Variants in ZFAT observed in about 807,000 individuals in gnomAD.
ZFAT encodes the protein zinc finger protein ZFAT.
Under a neutral mutation model 117.7 loss-of-function variants are expected in ZFAT, and 64 were observed. The ratio of observed to expected loss-of-function variants is 0.54; its 90% CI spans 0.44 to 0.67. The LOEUF is 0.67. ZFAT is among the 30% of genes least tolerant of loss of function. The pLI is 0.00. For synonymous variants in ZFAT, 679 were observed against 615.0 expected, an observed-to-expected ratio of 1.10 and a Z score of -1.54; for missense variants, 1,433 against 1,584.5, an observed-to-expected ratio of 0.90 and a Z score of 1.62.
chr8:134,735,181 T>C, the ZFAT span, among the ~76,000 whole-genome samples: 2 of 152,134 alleles, frequency 1.3e-5, no homozygotes, highest in Non-Finnish European at 2.9e-5. Flanking sequence ...GTCCATGGAT[T>C]TGGGGGATAT....
chr8:134,512,475 C>T lies in ZFAT; in HGVS notation c.3361G>A (p.Gly1121Ser). Residue 1121 changes from glycine to serine, a missense_variant and splice_region_variant, in exon 14 of 16, where the codon GGC becomes AGC. Around this residue, in one of 5 missense-constraint regions of ZFAT, gnomAD observed 503 missense variants for 543.4 expected, o/e 0.93. Coordinates refer to ENST00000377838, the MANE Select transcript of ZFAT (RefSeq NM_020863.4). Reference protein sequence around the residue: ...LQDLRYTSESGDRLDPTAVNI... With the variant: ...LQDLRYTSESSDRLDPTAVNI... ...GCAAAGGAAGACCAGGCGTCCTCAC[C>T]ACTCTCAGAGGTGTATCTCAGGTCC... is the stretch of plus-strand genomic sequence containing the variant. 6.2e-7 allele frequency: 1 copy of T among 1,613,518 alleles called. No individual in the cohort carries two copies.
chr8:134,817,905 A>T, the ZFAT span, among the ~76,000 whole-genome samples: 1 of 152,204 alleles, frequency 6.6e-6, no homozygotes, highest in Non-Finnish European at 1.5e-5. Flanking sequence ...TCACAGGGGG[A>T]AAAGGGAATT....
At chr8:134,575,694 G>A (rs1240241439) in intron 10 of ZFAT, among the ~76,000 whole-genome samples, 1 of 152,140 alleles carries the variant, frequency 6.6e-6, no homozygotes, top group Non-Finnish European at 1.5e-5. Flanking sequence ...CCTGCCTCTG[G>A]AGCACAAGGT....
At chr8:134,772,433 A>C in the ZFAT span, among the ~76,000 whole-genome samples, 25 of 152,212 alleles carry the variant, frequency 1.6e-4, no homozygotes, top group Non-Finnish European at 2.9e-5. Flanking sequence ...AGATCAAACC[A>C]ACCACAATAT....
chr8:134,527,406 C>T (rs889158371), intron 12 of ZFAT, among the ~76,000 whole-genome samples: 3 of 152,094 alleles, frequency 2.0e-5, no homozygotes, highest in Non-Finnish European at 4.4e-5. Flanking sequence ...GATACGAATA[C>T]GGATAAGGAC....
At chr8:134,701,561 C>A (rs1482773005) in intron 1 of ZFAT, among the ~76,000 whole-genome samples, 1 of 152,196 alleles carries the variant, frequency 6.6e-6, no homozygotes, top group East Asian at 1.9e-4. Flanking sequence ...GTAATTCTAT[C>A]TGTAATTTTT....
chr8:134,532,706 G>A, intron 12 of ZFAT, 128 bp downstream of exon 12: 1 of 1,263,266 alleles, frequency 7.9e-7, no homozygotes, highest in Non-Finnish European at 1.1e-6. Flanking sequence ...TTAGGACGAT[G>A]AAGAATGAAC....
chr8:134,692,890 T>C (rs1166005918), intron 1 of ZFAT, among the ~76,000 whole-genome samples: 1 of 152,224 alleles, frequency 6.6e-6, no homozygotes, highest in Non-Finnish European at 1.5e-5. Context: ...AACTATATTA[T>C]GGATAGTGAG....
Position 134,600,466 on chromosome 8 carries a change from T to G in ZFAT, c.2445A>C (p.Leu815=), listed in dbSNP as rs1343696786. The change falls in exon 7 of 16, where the codon CTA becomes CTC. Residue 815 remains leucine (L), a synonymous_variant. Transcript: ENST00000377838. ...CTGTGTGAACTTTAAGATGTGCCTG[T>G]AGCTTATATTTATCTGGAGTTGAGT... is the stretch of plus-strand genomic sequence containing the variant. ...CDYSTPDKYK[L]QAHLKVHTAL... The G allele has an allele frequency of 6.2e-7, 1 of 1,614,234 alleles. No homozygotes were observed. The highest frequency in any genetic ancestry group is 1.3e-5 in the African/African-American group (1 of 75,056).
intron 11 of ZFAT, among the ~76,000 whole-genome samples, chr8:134,539,973 C>T (rs1169331991): frequency 6.6e-6 from 1 of 152,198 alleles, no homozygotes; most frequent in Admixed American, 6.5e-5. Context: ...CAAACCTTCC[C>T]TGCCTACCTG....
At chr8:134,660,264 C>T (rs1290612781) in intron 1 of ZFAT, among the ~76,000 whole-genome samples, 1 of 152,212 alleles carries the variant, frequency 6.6e-6, no homozygotes, top group Non-Finnish European at 1.5e-5. Context: ...AGATTCTCTC[C>T]TACCTGCATT....
chr8:134,766,245 C>G, the ZFAT span: 2 of 152,192 alleles, frequency 1.3e-5, no homozygotes, highest in Admixed American at 1.3e-4. Context: ...ATCAAATGCT[C>G]TCTAAAATGT....
intron 9 of ZFAT, among the ~76,000 whole-genome samples, 171 bp from the exon 10 acceptor site, chr8:134,584,176 T>C (rs986161122): frequency 1.3e-5 from 2 of 152,144 alleles, no homozygotes; most frequent in Non-Finnish European, 2.9e-5. Context: ...CACCACACAC[T>C]TTCCACGCCA....
At position 134,478,423 on chromosome 8, in the gene ZFAT, C is replaced by G; in HGVS notation, c.*59G>C. The G allele has an allele frequency of 1.3e-6, 2 of 1,526,054 alleles. No individual in the cohort carries two copies. The highest frequency in any genetic ancestry group is 2.5e-5 in the South Asian group (2 of 81,538). The allele number at this position is 1,526,054 out of a possible 1,614,324, so 94.5% of individuals were successfully genotyped here. On this transcript the variant is annotated 3_prime_UTR_variant, in exon 16 of 16. Coordinates refer to ENST00000377838, the MANE Select transcript of ZFAT (RefSeq NM_020863.4). The surrounding 1 kb of genome is among the most constrained non-coding windows in gnomAD (Gnocchi z 5.2). Reference sequence around the variant, plus strand: ...AGGGCAGGAAGGGTGGCCTCCCCACCCTGGGTGCCTGCAGAGCCTGGCAGC... The same window carrying G: ...AGGGCAGGAAGGGTGGCCTCCCCACGCTGGGTGCCTGCAGAGCCTGGCAGC...
At chr8:134,739,453 G>T in the ZFAT span, among the ~76,000 whole-genome samples, 7 of 152,178 alleles carry the variant, frequency 4.6e-5, no homozygotes, top group Non-Finnish European at 1.0e-4. Flanking sequence ...CTACTAGTTA[G>T]CTTCATAACC....
intron 9 of ZFAT, among the ~76,000 whole-genome samples, chr8:134,585,291 G>A (rs528342855): frequency 5.5e-4 from 84 of 152,228 alleles, no homozygotes; most frequent in Middle Eastern, 3.4e-3. Context: ...CCGAGTCAAA[G>A]CTACAGATGG....
At chr8:134,495,951 G>T (rs1446280750) in intron 15 of ZFAT, among the ~76,000 whole-genome samples, 1 of 152,006 alleles carries the variant, frequency 6.6e-6, no homozygotes, top group Non-Finnish European at 1.5e-5. Context: ...AAAAGTTGGT[G>T]TCTTATCCAC....
intron 5 of ZFAT, among the ~76,000 whole-genome samples, chr8:134,604,377 A>C (rs1260537662): frequency 6.6e-6 from 1 of 152,234 alleles, no homozygotes; most frequent in African/African-American, 2.4e-5. Context: ...ACCCTGCCCC[A>C]GAGTGACTGT....
the ZFAT span, among the ~76,000 whole-genome samples, chr8:134,769,495 C>T: frequency 5.9e-5 from 9 of 152,186 alleles, no homozygotes; most frequent in Non-Finnish European, 1.2e-4. Context: ...CAGCTCCACC[C>T]CTGTGGCTTT....
Sources: gnomAD v4.1 joint callset for allele counts (sites outside exome capture counted in the v4.1 genomes callset) on GRCh38, gnomAD v4.1.1 for gene constraint, gnomAD v4.1.1 regional missense constraint, Gnocchi (gnomAD v3.1) non-coding constraint, MANE v1.5 for transcripts, NCBI Gene and HGNC (gene_info 2026-07-23, HGNC 2026-07-21) for gene names.